SPOCK3: variants seen among roughly 807,000 people sequenced by gnomAD.
The protein encoded by SPOCK3 is testican-3.
SPOCK3 carries 30 observed loss-of-function variants against 56.6 expected under a neutral mutation model. The ratio of observed to expected loss-of-function variants is 0.53; its 90% CI spans 0.40 to 0.72. SPOCK3 has a LOEUF of 0.72. SPOCK3 is among the 30% of genes least tolerant of loss of function. The probability of loss-of-function intolerance (pLI) is 0.00; values close to 1 mark genes in which losing one functional copy is unlikely to be tolerated. For missense variants in SPOCK3, 527 were observed against 530.0 expected (o/e 0.99, Z 0.06); for synonymous variants, 196 against 183.3 (o/e 1.07, Z -0.56).
At chr4:166,933,025 T>G (rs1463753968) in intron 4 of SPOCK3, among the ~76,000 whole-genome samples, 1 of 152,108 alleles carries the variant, frequency 6.6e-6, no homozygotes, top group Non-Finnish European at 1.5e-5. Flanking sequence ...CATTAATAAA[T>G]TTGCTCAGAA....
chr4:167,195,580 G>A (rs1193883337), intron 2 of SPOCK3, among the ~76,000 whole-genome samples: 1 of 152,198 alleles, frequency 6.6e-6, no homozygotes, highest in African/African-American at 2.4e-5. Flanking sequence ...AGACAGGCTA[G>A]AGCCAAGTTC....
At chr4:166,963,132 T>C (rs938709030) in intron 4 of SPOCK3, among the ~76,000 whole-genome samples, 3 of 152,036 alleles carry the variant, frequency 2.0e-5, no homozygotes, top group African/African-American at 7.2e-5. Context: ...TTTTTAAGCT[T>C]CAGCTCTACT....
At chr4:166,981,809 C>T (rs760788833) in intron 4 of SPOCK3, among the ~76,000 whole-genome samples, 1 of 152,188 alleles carries the variant, frequency 6.6e-6, no homozygotes, top group African/African-American at 2.4e-5. Flanking sequence ...CTGGCCTGCA[C>T]AAGCTGGACT....
At chr4:167,136,883 CA>C (rs1282707149) in intron 2 of SPOCK3, among the ~76,000 whole-genome samples, 1 of 151,866 alleles carries the variant, frequency 6.6e-6, no homozygotes, top group Non-Finnish European at 1.5e-5. Context: ...GTTAGATTTC[CA>C]GTGCTGAGAA....
Position 166,933,567 on chromosome 4 carries a change from T to C in SPOCK3, c.351-20824A>G, listed in dbSNP as rs77847636. On this transcript the variant is annotated intron_variant, in intron 4 of 10. Coordinates refer to ENST00000357545, the MANE Select transcript of SPOCK3 (RefSeq NM_001040159.2). Reference sequence around the variant, plus strand: ...ATCATTATTATTATTATTTAACATGTATTATTAATGTTAGGAGACAATTCA... The same window carrying C: ...ATCATTATTATTATTATTTAACATGCATTATTAATGTTAGGAGACAATTCA... Among the ~76,000 whole-genome samples, 1,182 of 152,316 alleles carry C rather than the reference T, an allele frequency of 7.8e-3. 13 individuals carry two copies. The highest frequency in any genetic ancestry group is 0.027 in the African/African-American group (1,111 of 41,564).
chr4:167,047,541 T>C (rs762650290), intron 3 of SPOCK3, among the ~76,000 whole-genome samples: 18 of 152,200 alleles, frequency 1.2e-4, no homozygotes, highest in Non-Finnish European at 2.2e-4. Context: ...ATGTTAGAAT[T>C]ATTGGATTGG....
At chr4:166,851,198 G>A (rs1730029375) in intron 6 of SPOCK3, among the ~76,000 whole-genome samples, 1 of 152,162 alleles carries the variant, frequency 6.6e-6, no homozygotes, top group African/African-American at 2.4e-5. Flanking sequence ...GCACTCCCTA[G>A]CAGGGGCAGA....
intron 8 of SPOCK3, among the ~76,000 whole-genome samples, chr4:166,742,440 T>C (rs982970836): frequency 3.3e-5 from 5 of 152,146 alleles, no homozygotes; most frequent in African/African-American, 1.2e-4. Context: ...AAAAGGTCAA[T>C]CAAGTCAGAA....
chr4:166,903,120 T>TA (rs1736235331), intron 5 of SPOCK3, among the ~76,000 whole-genome samples: 3 of 147,332 alleles, frequency 2.0e-5, no homozygotes, highest in Non-Finnish European at 4.5e-5. Flanking sequence ...TTATAAATTA[T>TA]TTATAATATA....
chr4:166,976,171 A>T (rs1416382672), intron 4 of SPOCK3, among the ~76,000 whole-genome samples: 1 of 152,014 alleles, frequency 6.6e-6, no homozygotes, highest in Non-Finnish European at 1.5e-5. Flanking sequence ...GTCTGTTCCT[A>T]CCACTTTCTT....
chr4:167,206,079 T>G (rs888149367), intron 2 of SPOCK3, among the ~76,000 whole-genome samples: 5 of 152,090 alleles, frequency 3.3e-5, no homozygotes, highest in Admixed American at 3.3e-4. Flanking sequence ...GTTTATGAAC[T>G]TTGGGAGGAC....
chr4:167,038,350 T>G (rs1752945183), intron 3 of SPOCK3, among the ~76,000 whole-genome samples: 1 of 152,230 alleles, frequency 6.6e-6, no homozygotes, highest in Non-Finnish European at 1.5e-5. Context: ...ACTTCAGACA[T>G]GGCATACTTT....
intron 4 of SPOCK3, among the ~76,000 whole-genome samples, chr4:166,939,046 T>C (rs992322649): frequency 1.3e-5 from 2 of 152,140 alleles, no homozygotes; most frequent in African/African-American, 4.8e-5. Context: ...TTATAATCCA[T>C]GTTTACAAAG....
rs1400606073 is a variant in SPOCK3 at position 166,734,998 on chromosome 4, C to T, written c.1225G>A (p.Glu409Lys). 6.5e-7 allele frequency: 1 copy of T among 1,547,944 alleles called. No individual in the cohort carries two copies. The highest frequency in any genetic ancestry group is 1.4e-5 in the African/African-American group (1 of 73,910). ...EDDEDDIMND[E>K]DEIEDDDEDE... ...TCATCATCATCTTCAATTTCATCTTCATCATTCATAATATCGTCTTCATCA... is the reference window on the plus strand; with the variant it reads ...TCATCATCATCTTCAATTTCATCTTTATCATTCATAATATCGTCTTCATCA... The change falls in exon 11 of 11, where the codon GAA (glutamate) becomes AAA (lysine). Residue 409 changes from glutamate to lysine, a missense_variant. Transcript: ENST00000357545.
intron 4 of SPOCK3, among the ~76,000 whole-genome samples, chr4:166,934,343 A>AAT: frequency 6.6e-6 from 1 of 151,044 alleles, no homozygotes; most frequent in Admixed American, 6.6e-5. Flanking sequence ...CAAAAAAAAA[A>AAT]AAAAATTCGT....
At chr4:166,860,109 C>T (rs1731079277) in intron 6 of SPOCK3, among the ~76,000 whole-genome samples, 1 of 152,186 alleles carries the variant, frequency 6.6e-6, no homozygotes, top group Non-Finnish European at 1.5e-5. Flanking sequence ...TCTTATGAAT[C>T]AGGCGTAGCT....
intron 7 of SPOCK3, among the ~76,000 whole-genome samples, chr4:166,790,159 G>C (rs1741183523): frequency 6.6e-6 from 1 of 152,024 alleles, no homozygotes. Flanking sequence ...TCTATCCTAG[G>C]TTCTGGAAAT....
At chr4:166,883,223 G>A (rs1248638956) in intron 6 of SPOCK3, 1 of 152,080 alleles carries the variant, frequency 6.6e-6, no homozygotes, top group Non-Finnish European at 1.5e-5. Flanking sequence ...GCACAATAAT[G>A]AAATAAACTT....
At chr4:167,113,600 A>G (rs1396906883) in intron 2 of SPOCK3, among the ~76,000 whole-genome samples, 6 of 152,076 alleles carry the variant, frequency 3.9e-5, no homozygotes, top group Non-Finnish European at 8.8e-5. Flanking sequence ...CTAAGGGTCT[A>G]TTAAGGGAGA....
Sources: allele counts gnomAD v4.1 joint callset (sites outside exome capture counted in the v4.1 genomes callset), GRCh38; gene constraint gnomAD v4.1.1; transcripts MANE v1.5; gene names NCBI Gene and HGNC (gene_info 2026-07-23, HGNC 2026-07-21).